Variants in ATP10A observed in about 807,000 individuals in gnomAD.
ATP10A encodes phospholipid-transporting ATPase VA.
In ATP10A, 111 loss-of-function variants were observed where a neutral mutation model predicts 147.8. The ratio of observed to expected loss-of-function variants is 0.75; its 90% CI spans 0.64 to 0.88. The LOEUF is 0.88. Among genes scored for constraint, ATP10A ranks in the 40% least tolerant of loss-of-function variants. The pLI is 0.00. For missense variants in ATP10A, 1,927 were observed against 1,959.0 expected, an observed-to-expected ratio of 0.98 and a Z score of 0.31; for synonymous variants, 875 against 841.6, an observed-to-expected ratio of 1.04 and a Z score of -0.69.
At chr15:25,710,309 G>A (rs755420239) in intron 10 of ATP10A, 2 of 152,368 alleles carry the variant, frequency 1.3e-5, no homozygotes, top group Admixed American at 6.5e-5. Flanking sequence ...AGGGACAGTC[G>A]AGAGCTCTGT....
At chr15:25,754,079 T>C (rs1373156856) in intron 2 of ATP10A, among the ~76,000 whole-genome samples, 2 of 152,134 alleles carry the variant, frequency 1.3e-5, no homozygotes, top group Admixed American at 1.3e-4. Context: ...AGATGACAGG[T>C]GTGAACCACT....
intron 2 of ATP10A, among the ~76,000 whole-genome samples, chr15:25,758,958 G>A (rs934538104): frequency 1.1e-4 from 16 of 152,048 alleles, no homozygotes; most frequent in African/African-American, 2.9e-4. Context: ...CCTGACTCCC[G>A]CCAAAGCACT....
chr15:25,708,504 A>G (rs1052044467), intron 10 of ATP10A: 24 of 550,422 alleles, frequency 4.4e-5, no homozygotes, highest in African/African-American at 4.0e-4. Context: ...ATTTTTTTAT[A>G]GAGACAGGGT....
intron 12 of ATP10A, 152 bp downstream of exon 12, chr15:25,707,824 C>T: frequency 8.9e-7 from 1 of 1,127,956 alleles, no homozygotes; most frequent in South Asian, 1.6e-5. Context: ...CAGGCAAGCA[C>T]CCTCCCGCCT....
intron 1 of ATP10A, among the ~76,000 whole-genome samples, chr15:25,795,614 G>A (rs1890636510): frequency 6.6e-6 from 1 of 152,168 alleles, no homozygotes; most frequent in South Asian, 2.1e-4. Flanking sequence ...TTCCCAAAGT[G>A]TGCCAGACAG....
At chr15:25,683,735 G>C (rs898085428) in intron 16 of ATP10A, 8 of 544,620 alleles carry the variant, frequency 1.5e-5, no homozygotes, top group Non-Finnish European at 2.6e-5. Context: ...GGAATTCCCA[G>C]GAGCAGCACT....
At chr15:25,699,803 G>A (rs149025854) in intron 13 of ATP10A, among the ~76,000 whole-genome samples, 2 of 152,262 alleles carry the variant, frequency 1.3e-5, no homozygotes, top group African/African-American at 4.8e-5. Flanking sequence ...GGGAGGTTGA[G>A]GCTGTAATGA....
chr15:25,782,247 A>T (rs1329754365), intron 1 of ATP10A, among the ~76,000 whole-genome samples: 2 of 152,208 alleles, frequency 1.3e-5, no homozygotes, highest in Admixed American at 6.5e-5. Context: ...AGGCACCATC[A>T]GTGGCTGAGA....
chr15:25,826,126 A>G (rs932675567), intron 1 of ATP10A, among the ~76,000 whole-genome samples: 2 of 152,222 alleles, frequency 1.3e-5, no homozygotes, highest in East Asian at 1.9e-4. Context: ...ATTGCTCAGT[A>G]TGATAAACAG....
chr15:25,846,529 G>A (rs1275486458), intron 1 of ATP10A, among the ~76,000 whole-genome samples: 7 of 152,212 alleles, frequency 4.6e-5, no homozygotes, highest in Admixed American at 1.3e-4. Flanking sequence ...CATGCTCAGC[G>A]CAGAAGGGCC....
At chr15:25,756,507 G>T (rs1454273558) in intron 2 of ATP10A, among the ~76,000 whole-genome samples, 1 of 152,138 alleles carries the variant, frequency 6.6e-6, no homozygotes, top group Non-Finnish European at 1.5e-5. Context: ...GCTGGGTGTG[G>T]TGGCGGGCAC....
intron 12 of ATP10A, 58 bp from the exon 13 acceptor site, chr15:25,702,158 C>T: frequency 6.6e-7 from 1 of 1,517,508 alleles, no homozygotes; most frequent in Non-Finnish European, 9.0e-7. Context: ...CCCAATCCTT[C>T]TGGGGTGCAA....
In ATP10A at chr15:25,732,245, CT is replaced by C. The variant is rs563173231; in HGVS notation, c.740+3810del. 3.7e-3 allele frequency among the ~76,000 whole-genome samples: 560 copies of C among 151,952 alleles called. 3 individuals carry two copies. The highest frequency in any genetic ancestry group is 0.013 in the African/African-American group (534 of 41,466). ...CTAATATGAGAACATTTTCTTCTTT[CT>C]TTTTTTTGAGACTGGGTCTTGCTCT... On this transcript the variant is annotated intron_variant, in intron 3 of 20. Transcript: ENST00000555815.
chr15:25,828,287 T>C (rs566228953), intron 1 of ATP10A, among the ~76,000 whole-genome samples: 14 of 152,266 alleles, frequency 9.2e-5, no homozygotes, highest in African/African-American at 3.4e-4. Flanking sequence ...ATATTATAAA[T>C]GAACTAGACC....
chr15:25,681,988 A>AG (rs1899441170), intron 17 of ATP10A, among the ~76,000 whole-genome samples: 1 of 147,016 alleles, frequency 6.8e-6, no homozygotes, highest in African/African-American at 2.5e-5. Flanking sequence ...CGGGAGGCGG[A>AG]GCTTGCAGTG....
intron 1 of ATP10A, among the ~76,000 whole-genome samples, chr15:25,807,776 T>C (rs966541143): frequency 1.3e-5 from 2 of 151,348 alleles, no homozygotes; most frequent in Non-Finnish European, 2.9e-5. Context: ...CACTCCAGCC[T>C]GGGTGACAAG....
At chr15:25,789,148 G>T (rs1283955927) in intron 1 of ATP10A, among the ~76,000 whole-genome samples, 1 of 152,128 alleles carries the variant, frequency 6.6e-6, no homozygotes, top group Non-Finnish European at 1.5e-5. Context: ...TTTTTGTAGA[G>T]ATGGGGTTTC....
chr15:25,851,282 C>T (rs1893284765), intron 1 of ATP10A, among the ~76,000 whole-genome samples: 1 of 152,104 alleles, frequency 6.6e-6, no homozygotes, highest in Non-Finnish European at 1.5e-5. Context: ...TCTGAGAAGA[C>T]TTGCATGGAG....
At chr15:25,781,271 G>C (rs1889909791) in intron 1 of ATP10A, 48 bp from the exon 2 acceptor site, 2 of 1,525,316 alleles carry the variant, frequency 1.3e-6, no homozygotes, top group Admixed American at 1.9e-5. Context: ...ATTGGTCGTG[G>C]CTGGATCTGG....
Sources: allele counts gnomAD v4.1 joint callset (sites outside exome capture counted in the v4.1 genomes callset), GRCh38; gene constraint gnomAD v4.1.1; transcripts MANE v1.5; gene names NCBI Gene and HGNC (gene_info 2026-07-23, HGNC 2026-07-21).